Variants in MEGF11 observed in about 807,000 individuals in gnomAD.
MEGF11 encodes the protein multiple EGF like domains 11.
Under a neutral mutation model 146.6 loss-of-function variants are expected in MEGF11, and 126 were observed. The observed-to-expected ratio is 0.86, with a 90% CI of 0.74 to 1.00. MEGF11 has a LOEUF of 1.00. Ranked by LOEUF, MEGF11 falls within the 50% of genes least tolerant of loss-of-function variation. MEGF11 has a pLI of 0.00. For synonymous variants in MEGF11, 532 were observed against 583.4 expected (o/e 0.91, Z 1.27); for missense variants, 1,509 against 1,521.2 (o/e 0.99, Z 0.13).
At chr15:66,211,298 C>A (rs575256242) in intron 1 of MEGF11, among the ~76,000 whole-genome samples, 2 of 152,106 alleles carry the variant, frequency 1.3e-5, no homozygotes, top group East Asian at 1.9e-4. Context: ...CCAAGGTGGG[C>A]GGATCACGAA....
intron 5 of MEGF11, among the ~76,000 whole-genome samples, chr15:66,037,467 C>T (rs1019894659): frequency 8.5e-5 from 13 of 152,136 alleles, no homozygotes; most frequent in Non-Finnish European, 1.8e-4. Flanking sequence ...AAGAATGGTC[C>T]CTGCTTCATA....
rs556684489 is a variant in MEGF11, at chr15:66,025,702, C to T, written c.395-43214G>A. On this transcript the variant is annotated intron_variant, in intron 5 of 25. Coordinates refer to ENST00000395614, the MANE Select transcript of MEGF11 (RefSeq NM_001385028.1). ...TACCTCCTTTTGCCTTCAGGCCTCT[C>T]GGGACATTCCCCTGTCTCTTAATTT... Among the ~76,000 whole-genome samples, 37 of 152,228 alleles carry T rather than the reference C, an allele frequency of 2.4e-4. No homozygotes were observed. The East Asian group carries it at 5.2e-3, about 21-fold the overall frequency.
At chr15:65,970,788 TC>T in intron 7 of MEGF11, 99 bp from the exon 8 acceptor site, 3 of 1,385,692 alleles carry the variant, frequency 2.2e-6, no homozygotes, top group Non-Finnish European at 2.9e-6. Flanking sequence ...CCACCCAACT[TC>T]CCAGAAGAAG....
intron 1 of MEGF11, among the ~76,000 whole-genome samples, chr15:66,170,653 A>T (rs2090224787): frequency 2.6e-5 from 4 of 152,270 alleles, no homozygotes; most frequent in South Asian, 4.1e-4. Flanking sequence ...CAGGTGTAAG[A>T]GGTTCTTATT....
intron 1 of MEGF11, among the ~76,000 whole-genome samples, chr15:66,196,501 G>A (rs906609368): frequency 9.9e-5 from 15 of 152,014 alleles, no homozygotes; most frequent in Non-Finnish European, 1.9e-4. Context: ...GGTGAGGTGG[G>A]ATTTGGGATA....
intron 5 of MEGF11, among the ~76,000 whole-genome samples, chr15:66,078,725 C>T (rs1040765036): frequency 6.6e-6 from 1 of 152,266 alleles, no homozygotes; most frequent in East Asian, 1.9e-4. Context: ...GAGGGGTATC[C>T]GCCCGGTTGC....
At chr15:65,915,883 T>TA (rs149976579) in intron 18 of MEGF11, among the ~76,000 whole-genome samples, 5,160 of 149,740 alleles carry the variant, frequency 0.034, 112 homozygotes, top group Middle Eastern at 0.065. Flanking sequence ...TAAAGAATAA[T>TA]AAAAAAAAAA....
At chr15:66,048,300 G>T (rs899092856) in intron 5 of MEGF11, among the ~76,000 whole-genome samples, 6 of 152,238 alleles carry the variant, frequency 3.9e-5, no homozygotes, top group South Asian at 2.1e-4. Context: ...AGGAGCAGGG[G>T]TTAGAGGACC....
At chr15:65,935,562 C>T (rs2079752033) in intron 10 of MEGF11, among the ~76,000 whole-genome samples, 1 of 152,254 alleles carries the variant, frequency 6.6e-6, no homozygotes, top group Non-Finnish European at 1.5e-5. Flanking sequence ...CACATCTGAT[C>T]ACAGAAGTCT....
At chr15:66,159,736 AC>A (rs2141069978) in intron 1 of MEGF11, among the ~76,000 whole-genome samples, 1 of 152,100 alleles carries the variant, frequency 6.6e-6, no homozygotes, top group East Asian at 1.9e-4. Flanking sequence ...CCTTCTGGGG[AC>A]CTTTTGGGGA....
Position 66,053,003 on chromosome 15 carries a change from G to C in MEGF11, c.394+41399C>G, listed in dbSNP as rs1451463722. ...TAATGACTATGGTAAATGCCAAATG[G>C]ATGGATGCATGGGTTGATGGGCAGA... On this transcript the variant is annotated intron_variant, in intron 5 of 25. Coordinates refer to ENST00000395614, the MANE Select transcript of MEGF11 (RefSeq NM_001385028.1). Among the ~76,000 whole-genome samples the C allele has an allele frequency of 2.0e-5, 3 of 152,164 alleles. No individual in the cohort carries two copies. The East Asian group carries it at 5.8e-4, about 29-fold the overall frequency.
intron 5 of MEGF11, among the ~76,000 whole-genome samples, chr15:66,009,511 A>C (rs2082637331): frequency 6.6e-6 from 1 of 151,516 alleles, no homozygotes; most frequent in Non-Finnish European, 1.5e-5. Flanking sequence ...TCTTAGGGTG[A>C]GTTGTAGGGG....
intron 1 of MEGF11, among the ~76,000 whole-genome samples, chr15:66,199,363 C>T (rs935903736): frequency 3.3e-5 from 5 of 152,106 alleles, no homozygotes; most frequent in Non-Finnish European, 7.3e-5. Flanking sequence ...AGTCCTAGTG[C>T]CCTGGGTGTT....
At chr15:66,165,827 G>C (rs2090083147) in intron 1 of MEGF11, among the ~76,000 whole-genome samples, 1 of 152,280 alleles carries the variant, frequency 6.6e-6, no homozygotes, top group South Asian at 2.1e-4. Flanking sequence ...GTCCTGCCAG[G>C]CCAGAGACAC....
chr15:66,233,951 C>CTTTTTTTTT (rs57240560), intron 1 of MEGF11, among the ~76,000 whole-genome samples: 1 of 119,930 alleles, frequency 8.3e-6, no homozygotes, highest in Non-Finnish European at 1.7e-5. Flanking sequence ...TTTTCTTTTT[C>CTTTTTTTTT]TTTTTTTTTT....
chr15:66,232,932 G>T (rs1015181520), intron 1 of MEGF11, among the ~76,000 whole-genome samples: 1 of 152,200 alleles, frequency 6.6e-6, no homozygotes. Flanking sequence ...TACTAGGTGA[G>T]TGGAGGACCC....
At chr15:66,233,327 C>T in intron 1 of MEGF11, among the ~76,000 whole-genome samples, 1 of 152,110 alleles carries the variant, frequency 6.6e-6, no homozygotes, top group East Asian at 1.9e-4. Context: ...CCTCCGCCTC[C>T]CAGGTTCAAA....
intron 1 of MEGF11, among the ~76,000 whole-genome samples, chr15:66,224,640 T>A (rs1202435413): frequency 7.4e-6 from 1 of 134,324 alleles, no homozygotes; most frequent in Non-Finnish European, 1.7e-5. Context: ...TTATTACTTA[T>A]TATATTATAT....
At chr15:66,185,379 C>A (rs1430560485) in intron 1 of MEGF11, among the ~76,000 whole-genome samples, 1 of 152,204 alleles carries the variant, frequency 6.6e-6, no homozygotes, top group Admixed American at 6.5e-5. Flanking sequence ...AAGTAAATAG[C>A]ACATTTGCTT....
Sources: gnomAD v4.1 joint callset for allele counts (sites outside exome capture counted in the v4.1 genomes callset) on GRCh38, gnomAD v4.1.1 for gene constraint, MANE v1.5 for transcripts, NCBI Gene and HGNC (gene_info 2026-07-23, HGNC 2026-07-21) for gene names.